NAV2: variants seen among roughly 807,000 people sequenced by gnomAD.
The protein encoded by NAV2 is neuron navigator 2.
Under a neutral mutation model 223.2 loss-of-function variants are expected in NAV2, and 54 were observed. The observed-to-expected ratio is 0.24, with a 90% CI of 0.19 to 0.30. The LOEUF (loss-of-function observed/expected upper bound fraction) is 0.30, where lower values mean the gene tolerates loss of function less well. Ranked by LOEUF, NAV2 falls within the 10% of genes least tolerant of loss-of-function variation. NAV2 has a pLI of 1.00. For synonymous variants in NAV2, 1,279 were observed against 1,239.3 expected (o/e 1.03, Z -0.67); for missense variants, 2,806 against 3,147.5 (o/e 0.89, Z 2.60).
chr11:19,985,471 C>G (rs933014981), intron 11 of NAV2, among the ~76,000 whole-genome samples: 1 of 152,034 alleles, frequency 6.6e-6, no homozygotes, highest in Non-Finnish European at 1.5e-5. Context: ...TAGCTCAAGT[C>G]AGATTTTTTC....
intron 6 of NAV2, among the ~76,000 whole-genome samples, chr11:19,899,163 T>C (rs2042241073): frequency 6.6e-6 from 1 of 152,166 alleles, no homozygotes; most frequent in Admixed American, 6.5e-5. Flanking sequence ...CCTCCTCTAG[T>C]TTTTGTTCTG....
intron 11 of NAV2, among the ~76,000 whole-genome samples, chr11:20,028,435 G>T (rs2055329484): frequency 6.6e-6 from 1 of 152,214 alleles, no homozygotes; most frequent in Non-Finnish European, 1.5e-5. Context: ...GGCTGAGGCT[G>T]TGAGAGCCTT....
chr11:19,654,606 A>G (rs750302490), intron 1 of NAV2, among the ~76,000 whole-genome samples: 4 of 152,258 alleles, frequency 2.6e-5, no homozygotes, highest in Non-Finnish European at 5.9e-5. Context: ...CAACTATCTG[A>G]ACTTTGACAA....
intron 1 of NAV2, among the ~76,000 whole-genome samples, chr11:19,385,679 T>G (rs1185731498): frequency 6.6e-6 from 1 of 152,044 alleles, no homozygotes; most frequent in Admixed American, 6.6e-5. Flanking sequence ...AAATGCATAT[T>G]AATGCACATG....
chr11:19,667,453 CT>C (rs1245281315), intron 1 of NAV2, among the ~76,000 whole-genome samples: 7 of 152,112 alleles, frequency 4.6e-5, no homozygotes, highest in Non-Finnish European at 8.8e-5. Flanking sequence ...TGTGGGTGTG[CT>C]TTGGGGGCAC....
At chr11:19,957,663 G>T (rs1198507161) in intron 10 of NAV2, among the ~76,000 whole-genome samples, 1 of 152,158 alleles carries the variant, frequency 6.6e-6, no homozygotes, top group Admixed American at 6.5e-5. Context: ...CTCATCAGAG[G>T]AGAAAGAATA....
chr11:19,456,706 C>G (rs914780295), intron 1 of NAV2, among the ~76,000 whole-genome samples: 3 of 152,202 alleles, frequency 2.0e-5, no homozygotes, highest in Non-Finnish European at 4.4e-5. Flanking sequence ...TCTGACCTCC[C>G]AGGTAAAATT....
At chr11:19,539,210 A>G (rs987829836) in intron 1 of NAV2, among the ~76,000 whole-genome samples, 7 of 152,226 alleles carry the variant, frequency 4.6e-5, no homozygotes, top group Non-Finnish European at 8.8e-5. Context: ...CTGGGGGTAG[A>G]TGAAGATTTT....
intron 1 of NAV2, among the ~76,000 whole-genome samples, chr11:19,801,926 CA>C (rs2058291122): frequency 6.6e-6 from 1 of 152,146 alleles, no homozygotes; most frequent in African/African-American, 2.4e-5. Flanking sequence ...GAGCTAAAAT[CA>C]TTGCTTTTAT....
chr11:19,933,880 G>A lies in NAV2; in HGVS notation c.1636G>A (p.Gly546Arg), dbSNP rs1320272391. 5 of 1,598,652 alleles carry A rather than the reference G, an allele frequency of 3.1e-6. No individual in the cohort carries two copies. The highest frequency in any genetic ancestry group is 3.4e-6 in the Non-Finnish European group (4 of 1,174,622). ...SSKIASFIPK[G>R]GKLNSAKKEP... is the part of the protein sequence containing the mutation. ...CAAGATTGCCAGCTTCATCCCCAAA[G>A]GGGGGAAGCTCAACAGTGCCAAGAA... The change falls in exon 7 of 38, where the codon GGG (glycine) becomes AGG (arginine). Residue 546 changes from glycine to arginine, a missense_variant. Gly to Arg is a moderately radical substitution (Grantham distance 125). This residue lies in a region of NAV2 where 1,167 missense variants were observed against 1,180.5 expected (regional missense o/e 0.99). Coordinates refer to ENST00000349880, the MANE Select transcript of NAV2 (RefSeq NM_145117.5). This position sits in a 1 kb window ranked among gnomAD's most constrained non-coding sequence, Gnocchi z 4.3.
intron 1 of NAV2, among the ~76,000 whole-genome samples, chr11:19,420,674 T>C (rs1025428107): frequency 3.9e-5 from 6 of 152,194 alleles, no homozygotes; most frequent in East Asian, 1.9e-4. Context: ...TTCACTTCTA[T>C]AAAGTTCCAA....
intron 1 of NAV2, among the ~76,000 whole-genome samples, chr11:19,411,600 G>A (rs535089775): frequency 6.6e-6 from 1 of 152,268 alleles, no homozygotes; most frequent in South Asian, 2.1e-4. Flanking sequence ...TAGGGATTGG[G>A]GAGAGGGTAT....
At chr11:19,393,315 A>T (rs61878093) in intron 1 of NAV2, among the ~76,000 whole-genome samples, 27,335 of 152,214 alleles carry the variant, frequency 0.18, 2,897 homozygotes, top group East Asian at 0.37. Flanking sequence ...AGACAGGCCT[A>T]TATGCCATTG....
intron 1 of NAV2, among the ~76,000 whole-genome samples, chr11:19,366,005 G>A (rs575177961): frequency 5.9e-5 from 9 of 152,332 alleles, no homozygotes; most frequent in Admixed American, 3.9e-4. Flanking sequence ...GATTATTGAA[G>A]GAGCCAGAGA....
chr11:19,797,303 C>T (rs2057973159), intron 1 of NAV2, among the ~76,000 whole-genome samples: 1 of 152,166 alleles, frequency 6.6e-6, no homozygotes, highest in Admixed American at 6.5e-5. Context: ...GTTTTAGGCT[C>T]TCAGTATGGC....
intron 12 of NAV2, among the ~76,000 whole-genome samples, chr11:20,041,899 A>G (rs140677350): frequency 4.5e-4 from 68 of 152,192 alleles, no homozygotes; most frequent in African/African-American, 1.4e-3. Context: ...TTGTCATCTA[A>G]ATTAGGTCAA....
At chr11:19,915,159 G>T (rs2043693194) in intron 6 of NAV2, among the ~76,000 whole-genome samples, 1 of 152,222 alleles carries the variant, frequency 6.6e-6, no homozygotes, top group South Asian at 2.1e-4. Context: ...GTACATATTT[G>T]TGGAGTCCTG....
chr11:20,088,438 C>T (rs967575216), intron 26 of NAV2, among the ~76,000 whole-genome samples: 4 of 152,204 alleles, frequency 2.6e-5, no homozygotes, highest in African/African-American at 4.8e-5. Context: ...CCACCTGCCT[C>T]AGCTGGGATT....
At position 20,107,057 on chromosome 11, in the gene NAV2, A is replaced by ATT. The variant is rs10590815; in HGVS notation, c.6842-570_6842-569dup. On this transcript the variant is annotated intron_variant, in intron 35 of 37. Coordinates refer to ENST00000349880, the MANE Select transcript of NAV2 (RefSeq NM_145117.5). ...TTTGGACTTGCAGTCATGGGCTTCCATTTTTTTTTTTTTTTTTTTTTTTTT... is the reference window on the plus strand; with the variant it reads ...TTTGGACTTGCAGTCATGGGCTTCCATTTTTTTTTTTTTTTTTTTTTTTTTTT... 6.6e-4 allele frequency among the ~76,000 whole-genome samples: 18 copies of ATT among 27,254 alleles called. 5 individuals are homozygous for ATT. The highest frequency in any genetic ancestry group is 2.4e-3 in the African/African-American group (18 of 7,388). 17.9% of individuals were successfully genotyped at this position (27,254 alleles called of 152,430 possible).
Sources: allele counts gnomAD v4.1 joint callset (sites outside exome capture counted in the v4.1 genomes callset), GRCh38; gene constraint gnomAD v4.1.1; regional missense constraint gnomAD v4.1.1; non-coding constraint Gnocchi (gnomAD v3.1); transcripts MANE v1.5; gene names NCBI Gene and HGNC (gene_info 2026-07-23, HGNC 2026-07-21).